The following ST7 variants were observed in gnomAD, a reference collection of about 807,000 sequenced individuals.
The protein encoded by ST7 is suppressor of tumorigenicity 7 protein.
In ST7, 28 loss-of-function variants were observed where a neutral mutation model predicts 78.7. The observed-to-expected ratio is 0.36, with a 90% CI of 0.26 to 0.49. The LOEUF is 0.49. Ranked by LOEUF, ST7 falls within the 20% of genes least tolerant of loss-of-function variation. The pLI is 0.99. For synonymous variants in ST7, 247 were observed against 249.6 expected (o/e 0.99, Z 0.10); for missense variants, 418 against 696.0 (o/e 0.60, Z 4.49).
At chr7:117,047,280 A>G (rs1000561181) in intron 1 of ST7, among the ~76,000 whole-genome samples, 1 of 152,186 alleles carries the variant, frequency 6.6e-6, no homozygotes, top group African/African-American at 2.4e-5. Flanking sequence ...CATTTAAGCA[A>G]AGAGGATTTA....
At chr7:116,982,457 C>T (rs562725330) in intron 1 of ST7, among the ~76,000 whole-genome samples, 1 of 152,258 alleles carries the variant, frequency 6.6e-6, no homozygotes, top group South Asian at 2.1e-4. Context: ...CTCCCAACTT[C>T]AGGTGATCCG....
intron 10 of ST7, chr7:117,173,393 C>A (rs1349466020): frequency 1.3e-5 from 2 of 152,184 alleles, no homozygotes; most frequent in Non-Finnish European, 2.9e-5. Flanking sequence ...AATGAAGTGG[C>A]TGCTGAAGTT....
intron 3 of ST7, among the ~76,000 whole-genome samples, chr7:117,129,131 A>G (rs909177968): frequency 1.3e-5 from 2 of 151,966 alleles, no homozygotes; most frequent in African/African-American, 4.8e-5. Flanking sequence ...ATAAAGAGGT[A>G]TGACCTATTA....
chr7:116,977,902 A>C (rs1439399936), intron 1 of ST7, among the ~76,000 whole-genome samples: 1 of 152,232 alleles, frequency 6.6e-6, no homozygotes, highest in Non-Finnish European at 1.5e-5. Flanking sequence ...AAAAACAATA[A>C]AAATTGAAAA....
In ST7 at chr7:117,131,697, C is replaced by T. The variant is rs370074596; in HGVS notation, c.566-188C>T. Among the ~76,000 whole-genome samples, 49 of 152,002 alleles carry T rather than the reference C, an allele frequency of 3.2e-4. 1 individual carries two copies. The South Asian group carries it at 7.7e-3, about 24-fold the overall frequency. On this transcript the variant is annotated intron_variant, in intron 5 of 15. Coordinates refer to ENST00000323984, the MANE Select transcript of ST7 (RefSeq NM_001369598.1). ...GAGCACAAAAAAGGTTTGCTATCAG[C>T]AGTTGAAATACTGTGGAATAGCACA...
intron 1 of ST7, among the ~76,000 whole-genome samples, chr7:117,091,998 C>T (rs1028888088): frequency 1.3e-5 from 2 of 152,116 alleles, no homozygotes; most frequent in African/African-American, 4.8e-5. Flanking sequence ...TGCCTGTGGT[C>T]CACGTGGCCA....
intron 12 of ST7, among the ~76,000 whole-genome samples, chr7:117,195,040 C>T (rs2117430416): frequency 6.6e-6 from 1 of 152,278 alleles, no homozygotes; most frequent in East Asian, 1.9e-4. Context: ...TTGTTTGTTA[C>T]AGGCAGTATT....
At chr7:117,086,160 A>G (rs1377364662) in intron 1 of ST7, among the ~76,000 whole-genome samples, 1 of 152,062 alleles carries the variant, frequency 6.6e-6, no homozygotes, top group African/African-American at 2.4e-5. Context: ...TTTTGGGAAA[A>G]CAACTTTGAA....
At chr7:117,091,310 G>A (rs1300510978) in intron 1 of ST7, among the ~76,000 whole-genome samples, 2 of 152,172 alleles carry the variant, frequency 1.3e-5, no homozygotes, top group African/African-American at 4.8e-5. Flanking sequence ...AGAAGTGCTC[G>A]TGCTGTGCTT....
intron 1 of ST7, chr7:117,080,872 A>G (rs1799719550): frequency 6.6e-6 from 1 of 152,182 alleles, no homozygotes; most frequent in East Asian, 1.9e-4. Flanking sequence ...AACCTTATTT[A>G]TGCCATTGAG....
chr7:117,135,489 A>G (rs1264328040), intron 7 of ST7, among the ~76,000 whole-genome samples: 1 of 152,100 alleles, frequency 6.6e-6, no homozygotes, highest in Non-Finnish European at 1.5e-5. Context: ...CTAACTGTAA[A>G]GAGATGTTGA....
intron 14 of ST7, among the ~76,000 whole-genome samples, chr7:117,220,559 A>G (rs1398232074): frequency 6.6e-6 from 1 of 152,256 alleles, no homozygotes; most frequent in African/African-American, 2.4e-5. Context: ...TTATTAGAAC[A>G]AGATTACAGT....
At chr7:117,205,666 T>G (rs1373434111) in intron 12 of ST7, among the ~76,000 whole-genome samples, 2 of 152,216 alleles carry the variant, frequency 1.3e-5, no homozygotes, top group Non-Finnish European at 2.9e-5. Context: ...GAGACCTCCA[T>G]GAGTAGGCGC....
At chr7:117,059,173 G>C (rs1458294649) in intron 1 of ST7, among the ~76,000 whole-genome samples, 1 of 152,148 alleles carries the variant, frequency 6.6e-6, no homozygotes, top group Non-Finnish European at 1.5e-5. Context: ...TGTACATTTA[G>C]AAATAACTAA....
At chr7:117,215,905 C>T (rs1792655903) in intron 13 of ST7, among the ~76,000 whole-genome samples, 1 of 151,904 alleles carries the variant, frequency 6.6e-6, no homozygotes, top group South Asian at 2.1e-4. Context: ...AACTCGGTTC[C>T]CTCTGTTACA....
chr7:116,974,888 C>G (rs963282807), intron 1 of ST7, among the ~76,000 whole-genome samples: 2 of 152,212 alleles, frequency 1.3e-5, no homozygotes, highest in African/African-American at 4.8e-5. Flanking sequence ...ATGCAAGTGT[C>G]CTGCAAGTGC....
At chr7:117,018,868 T>C (rs1041810806) in intron 1 of ST7, among the ~76,000 whole-genome samples, 2 of 152,220 alleles carry the variant, frequency 1.3e-5, no homozygotes, top group African/African-American at 4.8e-5. Flanking sequence ...TTATTTAGCA[T>C]CATCAAATGT....
At chr7:117,192,617 T>A (rs2117409825) in intron 12 of ST7, among the ~76,000 whole-genome samples, 1 of 152,322 alleles carries the variant, frequency 6.6e-6, no homozygotes, top group South Asian at 2.1e-4. Flanking sequence ...GGTTGGGGGC[T>A]CCTCATATCT....
intron 1 of ST7, among the ~76,000 whole-genome samples, chr7:117,062,506 T>A (rs1798412430): frequency 6.6e-6 from 1 of 152,234 alleles, no homozygotes; most frequent in African/African-American, 2.4e-5. Context: ...ACTTTCGTAG[T>A]AGTCTATGGA....
Sources: gnomAD v4.1 joint callset for allele counts (sites outside exome capture counted in the v4.1 genomes callset) on GRCh38, gnomAD v4.1.1 for gene constraint, MANE v1.5 for transcripts, NCBI Gene and HGNC (gene_info 2026-07-23, HGNC 2026-07-21) for gene names.